Variants in PPP1R12A observed in about 807,000 individuals in gnomAD.
The protein encoded by PPP1R12A is protein phosphatase 1 regulatory subunit 12A, also known as myosin binding subunit.
In PPP1R12A, 19 loss-of-function variants were observed where a neutral mutation model predicts 139.6. The ratio of observed to expected loss-of-function variants is 0.14; its 90% CI spans 0.09 to 0.20. The LOEUF is 0.20. Ranked by LOEUF, PPP1R12A falls within the 10% of genes least tolerant of loss-of-function variation. PPP1R12A has a pLI of 1.00. For missense variants in PPP1R12A, 925 were observed against 1,211.5 expected, an observed-to-expected ratio of 0.76 and a Z score of 3.51; for synonymous variants, 427 against 420.6, an observed-to-expected ratio of 1.02 and a Z score of -0.19.
chr12:79,817,464 G>A lies in PPP1R12A; in HGVS notation c.1169C>T (p.Ala390Val). The A allele has an allele frequency of 6.2e-7, 1 of 1,608,946 alleles. No individual in the cohort carries two copies. ...VTNANTSSTQAAPVAVTTPTV... is the reference protein window; with the variant it reads ...VTNANTSSTQVAPVAVTTPTV... ...AGGTGTTGTAACAGCTACAGGAGCT[G>A]CTTGTGTACTAGAAGTGTTGGCATT... Residue 390 changes from alanine to valine, a missense_variant, in exon 9 of 25, where the codon GCA becomes GTA. Coordinates refer to ENST00000450142, the MANE Select transcript of PPP1R12A (RefSeq NM_002480.3).
intron 2 of PPP1R12A, among the ~76,000 whole-genome samples, chr12:79,846,210 A>G (rs1879371224): frequency 1.3e-5 from 2 of 152,244 alleles, no homozygotes; most frequent in African/African-American, 2.4e-5. Flanking sequence ...AAATATTTTG[A>G]TAAGTGCATT....
At chr12:79,868,353 A>AT (rs1882209092) in intron 2 of PPP1R12A, among the ~76,000 whole-genome samples, 1 of 152,230 alleles carries the variant, frequency 6.6e-6, no homozygotes, top group Non-Finnish European at 1.5e-5. Context: ...AGCCAATGAC[A>AT]TTAACACTGT....
At chr12:79,910,548 T>TAAAA (rs5799446) in intron 1 of PPP1R12A, among the ~76,000 whole-genome samples, 1 of 149,986 alleles carries the variant, frequency 6.7e-6, no homozygotes, top group African/African-American at 2.5e-5. Context: ...ACTTTATTCT[T>TAAAA]AAAAAAAAAA....
intron 1 of PPP1R12A, among the ~76,000 whole-genome samples, chr12:79,895,933 A>T (rs1404180725): frequency 6.6e-6 from 1 of 152,238 alleles, no homozygotes; most frequent in Non-Finnish European, 1.5e-5. Flanking sequence ...TAGCCTAAGT[A>T]AGAGCAAGGC....
At chr12:79,776,102 C>T in intron 24 of PPP1R12A, 87 bp from the exon 25 acceptor site, 1 of 798,472 alleles carries the variant, frequency 1.3e-6, no homozygotes. Flanking sequence ...ATTTTCACCA[C>T]AAAACACATG....
intron 1 of PPP1R12A, among the ~76,000 whole-genome samples, chr12:79,911,863 C>T (rs781710462): frequency 1.3e-5 from 2 of 152,006 alleles, no homozygotes; most frequent in South Asian, 2.1e-4. Flanking sequence ...AGCCAGCAGC[C>T]GTCTCTTAAA....
At chr12:79,894,294 C>T (rs1465986146) in intron 1 of PPP1R12A, among the ~76,000 whole-genome samples, 1 of 152,154 alleles carries the variant, frequency 6.6e-6, no homozygotes, top group African/African-American at 2.4e-5. Context: ...AATTTAACTA[C>T]TGTGGTAATA....
rs1382354339 is a variant in PPP1R12A at position 79,905,510 on chromosome 12, T to G, written c.237+29185A>C. On this transcript the variant is annotated intron_variant, in intron 1 of 24. Transcript: ENST00000450142. ...TAAGTGGCACAGAAGGATTTAAACC[T>G]AAGACACAGAACCAGTGTTCTTTTC... 2.0e-5 allele frequency among the ~76,000 whole-genome samples: 3 copies of G among 152,148 alleles called. No individual in the cohort carries two copies. The South Asian group carries it at 6.2e-4, about 32-fold the overall frequency.
At chr12:79,851,850 T>C (rs558528957) in intron 2 of PPP1R12A, among the ~76,000 whole-genome samples, 1 of 152,344 alleles carries the variant, frequency 6.6e-6, no homozygotes, top group South Asian at 2.1e-4. Context: ...TTTGGCAATT[T>C]GTATTGTTCT....
chr12:79,875,686 A>T (rs1351629098), intron 1 of PPP1R12A, among the ~76,000 whole-genome samples: 2 of 152,222 alleles, frequency 1.3e-5, no homozygotes, highest in Non-Finnish European at 2.9e-5. Context: ...ACCCATTTAA[A>T]TGTATAAAAA....
rs1437159453 is a variant in PPP1R12A, at chr12:79,915,309, GGTTT to G, written c.237+19382_237+19385del. Among the ~76,000 whole-genome samples, 9 of 152,074 alleles carry G rather than the reference GGTTT, an allele frequency of 5.9e-5. No homozygotes were observed. In the East Asian group the frequency reaches 1.7e-3, roughly 29 times the overall value. On this transcript the variant is annotated intron_variant, in intron 1 of 24. Transcript: ENST00000450142. ...TTCTAGAAAAAGAAATTGGAACACA[GGTTT>G]GTTTTTCTCTGTAGAACTAACTTTG...
intron 1 of PPP1R12A, among the ~76,000 whole-genome samples, chr12:79,874,274 C>CAA (rs764069282): frequency 4.7e-4 from 40 of 85,376 alleles, no homozygotes; most frequent in African/African-American, 1.5e-3. Context: ...ACTCCGTCTC[C>CAA]AAAAAAAAAA....
intron 1 of PPP1R12A, among the ~76,000 whole-genome samples, chr12:79,880,090 T>C (rs996111441): frequency 6.6e-6 from 1 of 152,132 alleles, no homozygotes; most frequent in African/African-American, 2.4e-5. Context: ...TTAGCTATTT[T>C]TCATATTATA....
intron 14 of PPP1R12A, among the ~76,000 whole-genome samples, chr12:79,803,937 C>G (rs577365338): frequency 1.3e-5 from 2 of 152,140 alleles, no homozygotes; most frequent in Admixed American, 1.3e-4. Context: ...ATAATTTGTT[C>G]TGAAACAACT....
chr12:79,913,273 C>T (rs941555578), intron 1 of PPP1R12A, among the ~76,000 whole-genome samples: 1 of 152,178 alleles, frequency 6.6e-6, no homozygotes, highest in African/African-American at 2.4e-5. Flanking sequence ...TTTCCCTACC[C>T]GAAGGTTATG....
At position 79,806,147 on chromosome 12, in the gene PPP1R12A, A is replaced by C; in HGVS notation, c.1823+19T>G. ...TAAGCACACAGTAGACCTGAGCACA[A>C]AATGTATCTGTGACTTACCTGCTTT... is the stretch of plus-strand genomic sequence containing the variant. On this transcript the variant is annotated intron_variant, in intron 13 of 24. Coordinates refer to ENST00000450142, the MANE Select transcript of PPP1R12A (RefSeq NM_002480.3). The C allele has an allele frequency of 6.2e-7, 1 of 1,612,452 alleles. No individual in the cohort carries two copies. Among genetic ancestry groups the C allele is most frequent in the South Asian group, 1.1e-5 (1 of 90,948 alleles).
At chr12:79,904,303 A>G (rs1171685184) in intron 1 of PPP1R12A, among the ~76,000 whole-genome samples, 4 of 152,034 alleles carry the variant, frequency 2.6e-5, no homozygotes, top group Non-Finnish European at 2.9e-5. Context: ...GCTTAATTAA[A>G]CAGAAAAAAA....
rs1565749731 is a variant in PPP1R12A, at chr12:79,806,327, G to A, written c.1662C>T (p.Ser554=). 1 of 1,613,038 alleles carries A rather than the reference G, an allele frequency of 6.2e-7. No individual in the cohort carries two copies. The highest frequency in any genetic ancestry group is 1.3e-5 in the African/African-American group (1 of 74,880). ...NEGSTYHKSC[S]FGRRQDDLIS... ...TCAAATCATCTTGTCTTCTACCAAA[G>A]GAGCAACTAAACAAAAGAGTCATAT... is the stretch of plus-strand genomic sequence containing the variant. Residue 554 remains serine (S), a synonymous_variant, in exon 13 of 25, where the codon TCC becomes TCT. Coordinates refer to ENST00000450142, the MANE Select transcript of PPP1R12A (RefSeq NM_002480.3).
intron 2 of PPP1R12A, among the ~76,000 whole-genome samples, chr12:79,859,221 C>T (rs1330667738): frequency 6.6e-6 from 1 of 151,786 alleles, no homozygotes; most frequent in African/African-American, 2.4e-5. Context: ...CCTGTAGTCC[C>T]AGCTACTCGG....
Sources: allele counts gnomAD v4.1 joint callset (sites outside exome capture counted in the v4.1 genomes callset), GRCh38; gene constraint gnomAD v4.1.1; transcripts MANE v1.5; gene names NCBI Gene and HGNC (gene_info 2026-07-23, HGNC 2026-07-21).